Variants in PLEKHA5 observed in about 807,000 individuals in gnomAD.
PLEKHA5 encodes pleckstrin homology domain containing A5, also known as pleckstrin homology domain-containing family A member 5.
Under a neutral mutation model 181.9 loss-of-function variants are expected in PLEKHA5, and 55 were observed. That is an observed-to-expected ratio of 0.30 (90% CI 0.24 to 0.38). The LOEUF (loss-of-function observed/expected upper bound fraction) is 0.38. PLEKHA5 is among the 10% of genes least tolerant of loss of function. The pLI is 1.00. For synonymous variants in PLEKHA5, 535 were observed against 529.4 expected (o/e 1.01, Z -0.15); for missense variants, 1,432 against 1,549.5 (o/e 0.92, Z 1.27).
At chr12:19,175,304 G>A (rs1240387014) in intron 3 of PLEKHA5, among the ~76,000 whole-genome samples, 1 of 152,120 alleles carries the variant, frequency 6.6e-6, no homozygotes, top group Non-Finnish European at 1.5e-5. Flanking sequence ...AGTTGAACTT[G>A]CATATTGTTT....
At chr12:19,307,292 G>A (rs2084289867) in intron 15 of PLEKHA5, 1 of 381,872 alleles carries the variant, frequency 2.6e-6, no homozygotes, top group Admixed American at 4.1e-5. Context: ...GACCAACATG[G>A]TGAAACCTTG....
intron 31 of PLEKHA5, among the ~76,000 whole-genome samples, chr12:19,375,321 C>CA (rs879746589): frequency 5.7e-4 from 81 of 141,646 alleles, no homozygotes; most frequent in South Asian, 6.7e-4. Flanking sequence ...TACCCTGTCT[C>CA]AAAAAAAAAA....
intron 30 of PLEKHA5, among the ~76,000 whole-genome samples, chr12:19,369,010 A>G (rs1377038763): frequency 1.3e-5 from 2 of 151,664 alleles, no homozygotes; most frequent in Non-Finnish European, 2.9e-5. Context: ...AATGTAAAGT[A>G]TTTTTTTTGT....
intron 3 of PLEKHA5, among the ~76,000 whole-genome samples, chr12:19,178,190 G>A (rs1323795751): frequency 2.0e-5 from 3 of 152,030 alleles, no homozygotes; most frequent in Admixed American, 1.3e-4. Flanking sequence ...GTGCTGTGAC[G>A]TGAAAAAAAC....
intron 10 of PLEKHA5, 83 bp from the exon 11 acceptor site, chr12:19,274,433 T>A: frequency 2.1e-6 from 2 of 949,874 alleles, no homozygotes; most frequent in Non-Finnish European, 3.1e-6. Context: ...CCCCGTAAAG[T>A]ATAATTTTTC....
intron 8 of PLEKHA5, among the ~76,000 whole-genome samples, chr12:19,268,265 T>C (rs2071236168): frequency 6.6e-6 from 1 of 152,238 alleles, no homozygotes; most frequent in South Asian, 2.1e-4. Context: ...ATTAGCACTA[T>C]TATTAGGCCA....
In PLEKHA5 at chr12:19,222,186, C is replaced by T. The variant is rs75801276; in HGVS notation, c.228-31754C>T. ...ACATACTTATATATATTTATACACA[C>T]GCACCCACAGTCCAGCTTTCTTTGA... is the stretch of plus-strand genomic sequence containing the variant. On this transcript the variant is annotated intron_variant, in intron 3 of 31. Transcript: ENST00000429027. Among the ~76,000 whole-genome samples the T allele has an allele frequency of 7.3e-4, 111 of 152,124 alleles. 2 individuals carry two copies. In the East Asian group the frequency reaches 0.016, roughly 21 times the overall value.
At chr12:19,354,521 C>CCTGGG (rs2094816641) in intron 26 of PLEKHA5, among the ~76,000 whole-genome samples, 1 of 147,608 alleles carries the variant, frequency 6.8e-6, no homozygotes, top group Non-Finnish European at 1.5e-5. Flanking sequence ...CGCTCTCTCG[C>CCTGGG]CTGGGCTGGA....
chr12:19,261,109 C>G (rs1274563769), intron 7 of PLEKHA5, 88 bp downstream of exon 7: 2 of 632,798 alleles, frequency 3.2e-6, no homozygotes, highest in South Asian at 2.7e-5. Context: ...AGTATTGTAA[C>G]TCTGTGTGCT....
chr12:19,354,614 G>A (rs1343868771), intron 26 of PLEKHA5, among the ~76,000 whole-genome samples: 1 of 150,376 alleles, frequency 6.6e-6, no homozygotes, highest in Non-Finnish European at 1.5e-5. Flanking sequence ...CCAAGTAGCT[G>A]GGACTACAGG....
chr12:19,315,839 G>A (rs1341067930), intron 16 of PLEKHA5, among the ~76,000 whole-genome samples: 1 of 151,926 alleles, frequency 6.6e-6, no homozygotes, highest in Admixed American at 6.6e-5. Flanking sequence ...TGCATCACAG[G>A]GCCATGTAAC....
rs1408074818 is a variant in PLEKHA5 at position 19,369,733 on chromosome 12, A to G, written c.3795A>G (p.Pro1265=). The G allele has an allele frequency of 3.1e-6, 5 of 1,612,784 alleles. No individual in the cohort carries two copies. In the African/African-American group the frequency reaches 6.7e-5, roughly 22 times the overall value. The part of the protein sequence containing the change: ...LSPSPESSAS[P]VPSTQPQLTE... The stretch of plus-strand genomic sequence containing the variant: ...CATCTCCTGAGTCCTCGGCATCGCC[A>G]GTTCCATCCACTCAGCCGCAGCTCA... Residue 1265 remains proline, a synonymous_variant, in exon 31 of 32, where the codon CCA becomes CCG. Transcript: ENST00000429027.
At chr12:19,158,728 T>G (rs1485976912) in intron 3 of PLEKHA5, among the ~76,000 whole-genome samples, 2 of 152,180 alleles carry the variant, frequency 1.3e-5, no homozygotes, top group Non-Finnish European at 2.9e-5. Flanking sequence ...TTGTGTAGTT[T>G]TGAAGTTTTG....
intron 3 of PLEKHA5, among the ~76,000 whole-genome samples, chr12:19,252,163 A>G (rs375902883): frequency 2.6e-5 from 4 of 152,306 alleles, no homozygotes; most frequent in African/African-American, 4.8e-5. Context: ...TATTTAATGG[A>G]TAAAGCTTCA....
intron 20 of PLEKHA5, among the ~76,000 whole-genome samples, chr12:19,331,539 T>A (rs1179055707): frequency 6.6e-6 from 1 of 152,136 alleles, no homozygotes; most frequent in Non-Finnish European, 1.5e-5. Context: ...ATAGTATATA[T>A]CTGCTATATA....
chr12:19,175,558 A>G (rs1446406110), intron 3 of PLEKHA5, among the ~76,000 whole-genome samples: 1 of 152,198 alleles, frequency 6.6e-6, no homozygotes, highest in Non-Finnish European at 1.5e-5. Flanking sequence ...ACAAAAGAAA[A>G]TGTTAGCAAT....
At chr12:19,258,963 C>G (rs1336818439) in intron 6 of PLEKHA5, among the ~76,000 whole-genome samples, 4 of 152,106 alleles carry the variant, frequency 2.6e-5, no homozygotes, top group African/African-American at 9.7e-5. Context: ...AGCCTCATAC[C>G]CTAATGGCAT....
At chr12:19,198,088 C>T (rs1322499197) in intron 3 of PLEKHA5, among the ~76,000 whole-genome samples, 1 of 152,152 alleles carries the variant, frequency 6.6e-6, no homozygotes, top group African/African-American at 2.4e-5. Flanking sequence ...TTGCTTTTCC[C>T]CTGCTTCTCC....
At chr12:19,356,163 TCAAAAAAAAA>T (rs979171878) in intron 26 of PLEKHA5, among the ~76,000 whole-genome samples, 56 of 149,168 alleles carry the variant, frequency 3.8e-4, no homozygotes, top group African/African-American at 1.2e-3. Context: ...AGACTCTGTC[TCAAAAAAAAA>T]CAAAAAAAAA....
Sources: allele counts gnomAD v4.1 joint callset (sites outside exome capture counted in the v4.1 genomes callset), GRCh38; gene constraint gnomAD v4.1.1; transcripts MANE v1.5; gene names NCBI Gene and HGNC (gene_info 2026-07-23, HGNC 2026-07-21).